Variants in TRPM7 observed in about 807,000 individuals in gnomAD.
TRPM7 encodes the protein LTRPC ion channel family member 7.
A neutral mutation model predicts 229.7 loss-of-function variants in TRPM7; 134 were observed. The observed-to-expected ratio is 0.58, with a 90% CI of 0.51 to 0.67. The LOEUF (loss-of-function observed/expected upper bound fraction) is 0.67, where lower values mean the gene tolerates loss of function less well. TRPM7 is among the 30% of genes least tolerant of loss of function. TRPM7 has a pLI of 0.00. For missense variants in TRPM7, 1,901 were observed against 2,210.0 expected, an observed-to-expected ratio of 0.86 and a Z score of 2.80; for synonymous variants, 699 against 715.2, an observed-to-expected ratio of 0.98 and a Z score of 0.36.
At chr15:50,604,776 T>G (rs2059878903) in intron 21 of TRPM7, 90 bp downstream of exon 21, 2 of 1,283,864 alleles carry the variant, frequency 1.6e-6, no homozygotes, top group Admixed American at 5.4e-5. Context: ...AGACATTCAC[T>G]GGCTCAAATA....
intron 1 of TRPM7, among the ~76,000 whole-genome samples, chr15:50,679,093 C>CACCATGTTGGCCAGGATG (rs1555436136): frequency 6.7e-6 from 1 of 150,198 alleles, no homozygotes; most frequent in African/African-American, 2.5e-5. Flanking sequence ...AGGATGGTCT[C>CACCATGTTGGCCAGGATG]GATCTCTTGA....
At chr15:50,678,958 C>T (rs2062166392) in intron 1 of TRPM7, among the ~76,000 whole-genome samples, 1 of 152,194 alleles carries the variant, frequency 6.6e-6, no homozygotes, top group South Asian at 2.1e-4. Context: ...ACTGCAACCT[C>T]CACCTCCTGG....
intron 13 of TRPM7, among the ~76,000 whole-genome samples, chr15:50,618,839 T>C (rs572213232): frequency 9.9e-5 from 15 of 152,140 alleles, no homozygotes; most frequent in East Asian, 7.7e-4. Context: ...TAGGTACCCA[T>C]TGTCTAGCTC....
intron 2 of TRPM7, among the ~76,000 whole-genome samples, chr15:50,662,576 G>A (rs1029896784): frequency 2.4e-4 from 37 of 152,108 alleles, no homozygotes; most frequent in African/African-American, 8.7e-4. Flanking sequence ...TGCTTTCTTC[G>A]ACATGAACCA....
chr15:50,639,356 C>T, intron 6 of TRPM7, 68 bp downstream of exon 6: 1 of 1,276,714 alleles, frequency 7.8e-7, no homozygotes, highest in Non-Finnish European at 1.1e-6. Flanking sequence ...TTTAAACTGG[C>T]ACTATTCTTA....
chr15:50,585,489 G>C (rs2054657061), intron 28 of TRPM7, among the ~76,000 whole-genome samples: 1 of 152,212 alleles, frequency 6.6e-6, no homozygotes, highest in South Asian at 2.1e-4. Context: ...GATGCTTTGT[G>C]ATAATTTTTT....
chr15:50,560,491 C>T lies in TRPM7; in HGVS notation c.*1187G>A, dbSNP rs2053269482. 6.6e-6 allele frequency: 1 copy of T among 151,610 alleles called. No individual in the cohort carries two copies. Among genetic ancestry groups the T allele is most frequent in the African/African-American group, 2.4e-5 (1 of 41,082 alleles). The allele number at this position is 151,610 out of a possible 1,614,324, so 9.4% of individuals were successfully genotyped here. Reference sequence around the variant, plus strand: ...AATACAAATAAGCTTTATACTGCTCCCTTCCAAATAAAAATTAAAATTAGT... The same window carrying T: ...AATACAAATAAGCTTTATACTGCTCTCTTCCAAATAAAAATTAAAATTAGT... On this transcript the variant is annotated 3_prime_UTR_variant, in exon 39 of 39. Coordinates refer to ENST00000646667, the MANE Select transcript of TRPM7 (RefSeq NM_017672.6).
intron 13 of TRPM7, among the ~76,000 whole-genome samples, chr15:50,618,600 TAAATAAATAAATAAAC>T (rs776623752): frequency 2.3e-4 from 32 of 136,246 alleles, no homozygotes; most frequent in Admixed American, 3.7e-4. Context: ...AATAAATAAA[TAAATAAATAAATAAAC>T]GTATGTTAAA....
intron 25 of TRPM7, 103 bp downstream of exon 25, chr15:50,593,514 T>G: frequency 5.6e-6 from 7 of 1,256,538 alleles, no homozygotes; most frequent in Non-Finnish European, 7.8e-6. Context: ...GTAACTATGC[T>G]TATTGTTTGA....
At chr15:50,600,629 A>G (rs571766514) in intron 21 of TRPM7, among the ~76,000 whole-genome samples, 2 of 152,342 alleles carry the variant, frequency 1.3e-5, no homozygotes, top group Non-Finnish European at 2.9e-5. Flanking sequence ...CTTAAAATAA[A>G]TTATGACATT....
At chr15:50,617,061 G>A (rs917011875) in intron 13 of TRPM7, among the ~76,000 whole-genome samples, 9 of 151,506 alleles carry the variant, frequency 5.9e-5, no homozygotes, top group African/African-American at 2.2e-4. Context: ...GAGGCGAGGT[G>A]GGTGGATCAC....
intron 21 of TRPM7, chr15:50,604,076 C>T (rs2059853966): frequency 1.3e-5 from 2 of 152,064 alleles, no homozygotes; most frequent in Non-Finnish European, 2.9e-5. Context: ...GCCTTTTTCA[C>T]CACTGAAAAC....
At chr15:50,668,291 T>C (rs921490448) in intron 1 of TRPM7, among the ~76,000 whole-genome samples, 8 of 152,192 alleles carry the variant, frequency 5.3e-5, no homozygotes, top group African/African-American at 1.9e-4. Context: ...ATGGACTGAA[T>C]TAATGTAAGA....
intron 2 of TRPM7, among the ~76,000 whole-genome samples, chr15:50,659,293 T>C (rs1353161718): frequency 6.6e-6 from 1 of 152,030 alleles, no homozygotes; most frequent in Non-Finnish European, 1.5e-5. Flanking sequence ...GGGATAATCA[T>C]CTGCTTGGAC....
intron 31 of TRPM7, among the ~76,000 whole-genome samples, chr15:50,576,228 C>G (rs2054126977): frequency 6.6e-6 from 1 of 152,160 alleles, no homozygotes; most frequent in Non-Finnish European, 1.5e-5. Flanking sequence ...CTCTTTGATT[C>G]TGATGTTTGG....
At position 50,624,862 on chromosome 15, in the gene TRPM7, T is replaced by C. The variant is rs551189758; in HGVS notation, c.1306-562A>G. Among the ~76,000 whole-genome samples the C allele has an allele frequency of 8.1e-4, 123 of 152,308 alleles. 1 individual carries two copies. Among genetic ancestry groups the C allele is most frequent in the African/African-American group, 2.8e-3 (118 of 41,568 alleles). ...TTTCATCATAGTTTTTGTTCTACAG[T>C]GAATTTTCCAAAAATACAACCATCA... On this transcript the variant is annotated intron_variant, in intron 11 of 38. Coordinates refer to ENST00000646667, the MANE Select transcript of TRPM7 (RefSeq NM_017672.6).
chr15:50,577,318 G>C (rs1274247061), intron 31 of TRPM7, among the ~76,000 whole-genome samples: 3 of 152,136 alleles, frequency 2.0e-5, no homozygotes, highest in Non-Finnish European at 4.4e-5. Flanking sequence ...GGGAGGTGGA[G>C]GTGGGCAGAT....
intron 1 of TRPM7, among the ~76,000 whole-genome samples, chr15:50,674,434 T>C (rs2062051761): frequency 1.3e-5 from 2 of 152,326 alleles, no homozygotes; most frequent in South Asian, 4.1e-4. Context: ...ACCCAGCCAG[T>C]GCCTGGTTTC....
rs550814041 is a variant in TRPM7, at chr15:50,557,916, T to A, written c.*3762A>T. 6.6e-6 allele frequency: 1 copy of A among 152,388 alleles called. No homozygotes were observed. Among genetic ancestry groups the A allele is most frequent in the Admixed American group, 6.5e-5 (1 of 15,306 alleles). The allele number at this position is 152,388 out of a possible 1,614,324, so 9.4% of individuals were successfully genotyped here. ...ACCTTGGCCTCCCAAAGTGATGGAA[T>A]TACAGGCGTGAGCCACTGCACCTGG... On this transcript the variant is annotated 3_prime_UTR_variant, in exon 39 of 39. Transcript: ENST00000646667.
Sources: allele counts gnomAD v4.1 joint callset (sites outside exome capture counted in the v4.1 genomes callset), GRCh38; gene constraint gnomAD v4.1.1; transcripts MANE v1.5; gene names NCBI Gene and HGNC (gene_info 2026-07-23, HGNC 2026-07-21).